The following MBP variants were observed in gnomAD, a reference collection of about 807,000 sequenced individuals.
The protein encoded by MBP is myelin basic protein.
MBP carries 16 observed loss-of-function variants against 35.8 expected under a neutral mutation model. The observed-to-expected ratio is 0.45, with a 90% CI of 0.30 to 0.68. MBP has a LOEUF of 0.68. Among genes scored for constraint, MBP ranks in the 30% least tolerant of loss-of-function variants. The pLI is 0.08. For missense variants in MBP, 380 were observed against 404.7 expected, an observed-to-expected ratio of 0.94 and a Z score of 0.52; for synonymous variants, 143 against 159.6, an observed-to-expected ratio of 0.90 and a Z score of 0.78.
intron 3 of MBP, among the ~76,000 whole-genome samples, chr18:77,033,400 C>T (rs1972612491): frequency 6.6e-6 from 1 of 152,160 alleles, no homozygotes; most frequent in African/African-American, 2.4e-5. Flanking sequence ...ATGCATTGCT[C>T]TGATGAGCGC....
At chr18:76,998,458 C>T (rs1348885178) in intron 4 of MBP, among the ~76,000 whole-genome samples, 1 of 152,206 alleles carries the variant, frequency 6.6e-6, no homozygotes, top group African/African-American at 2.4e-5. Flanking sequence ...GGCTCTAGTT[C>T]TCAGTCACCT....
intron 3 of MBP, among the ~76,000 whole-genome samples, chr18:77,058,707 T>G (rs1973843092): frequency 6.6e-6 from 1 of 152,220 alleles, no homozygotes; most frequent in Non-Finnish European, 1.5e-5. Context: ...GCTCCAGGCC[T>G]GTGGGGTCAA....
At position 76,989,651 on chromosome 18, in the gene MBP, ACT is replaced by A; in HGVS notation, c.681+303_681+304del. The stretch of plus-strand genomic sequence containing the variant: ...CCTCCGCTCCCAGCCCATGGCAAGC[ACT>A]CTCCATAGGTTGCAAAGCCTGTGTT... On this transcript the variant is annotated intron_variant, in intron 5 of 8. Transcript: ENST00000355994. This position sits in a 1 kb window ranked among gnomAD's most constrained non-coding sequence, Gnocchi z 4.0. The A allele has an allele frequency of 3.0e-6, 1 of 336,118 alleles. No homozygotes were observed. 20.8% of individuals were successfully genotyped at this position (336,118 alleles called of 1,614,324 possible).
intron 7 of MBP, chr18:76,985,205 T>C: frequency 7.0e-7 from 1 of 1,425,840 alleles, no homozygotes; most frequent in Non-Finnish European, 9.3e-7. Context: ...GTTGCTTACC[T>C]TCACGCTGTG....
rs555162374 is a variant in MBP, at chr18:77,076,377, G to T, written c.52-9992C>A. On this transcript the variant is annotated intron_variant, in intron 2 of 8. Transcript: ENST00000355994. Reference sequence around the variant, plus strand: ...GGAGTCCACCTGGGGAGGCTCTGAGGCCACATGGAGAGGGGAGCCCAGTAG... The same window carrying T: ...GGAGTCCACCTGGGGAGGCTCTGAGTCCACATGGAGAGGGGAGCCCAGTAG... Among the ~76,000 whole-genome samples the T allele has an allele frequency of 2.6e-5, 4 of 152,346 alleles. No homozygotes were observed. The South Asian group carries it at 8.3e-4, about 32-fold the overall frequency.
chr18:77,104,175 G>A (rs963322851), intron 2 of MBP, among the ~76,000 whole-genome samples: 2 of 152,216 alleles, frequency 1.3e-5, no homozygotes, highest in Admixed American at 6.5e-5. Context: ...AGGGGCAGAA[G>A]GGTGATGATC....
intron 3 of MBP, among the ~76,000 whole-genome samples, chr18:77,059,901 C>T (rs750175845): frequency 1.4e-4 from 21 of 152,314 alleles, no homozygotes; most frequent in East Asian, 5.8e-4. Flanking sequence ...GGGAGACAGG[C>T]GGGCTTCTTG....
chr18:77,067,842 G>C (rs746710303), intron 2 of MBP: 1 of 513,258 alleles, frequency 1.9e-6, no homozygotes, highest in Non-Finnish European at 3.9e-6. Context: ...GGAGAGAGGG[G>C]CAGGCACAGC....
chr18:77,044,507 G>C lies in MBP; in HGVS notation c.139+21791C>G, dbSNP rs1375147073. 6.6e-6 allele frequency among the ~76,000 whole-genome samples: 1 copy of C among 151,976 alleles called. No individual in the cohort carries two copies. The highest frequency in any genetic ancestry group is 6.5e-5 in the Admixed American group (1 of 15,270). On this transcript the variant is annotated intron_variant, in intron 3 of 8. Transcript: ENST00000355994. This position sits in a 1 kb window ranked among gnomAD's most constrained non-coding sequence, Gnocchi z 4.4. ...CCACTCTCCCTGTACAGGCCTTCCT[G>C]ACCCCTCGTCCCTGGAAAGCCCTCT... is the stretch of plus-strand genomic sequence containing the variant.
Position 77,034,232 on chromosome 18 carries a change from G to C in MBP, c.140-16964C>G, listed in dbSNP as rs550867137. 9.9e-5 allele frequency among the ~76,000 whole-genome samples: 15 copies of C among 152,186 alleles called. No individual in the cohort carries two copies. In the East Asian group the frequency reaches 2.9e-3, roughly 29 times the overall value. ...AGGGGACCATGTGCATGTCCAGAGA[G>C]TGGCCCCTGGGACCTGAGAGTGACT... On this transcript the variant is annotated intron_variant, in intron 3 of 8. Coordinates refer to ENST00000355994, the MANE Select transcript of MBP (RefSeq NM_001025101.2).
At chr18:77,042,781 G>T (rs1973071852) in intron 3 of MBP, among the ~76,000 whole-genome samples, 1 of 152,222 alleles carries the variant, frequency 6.6e-6, no homozygotes, top group South Asian at 2.1e-4. Flanking sequence ...AAGCGCCTGC[G>T]CAGTGCCTGC....
intron 3 of MBP, 93 bp downstream of exon 3, chr18:77,066,205 A>G: frequency 2.3e-6 from 2 of 862,706 alleles, no homozygotes; most frequent in Non-Finnish European, 2.0e-6. Context: ...TGGATCACCC[A>G]TGCAATAAAA....
At chr18:77,079,838 A>G (rs1225893520) in intron 2 of MBP, among the ~76,000 whole-genome samples, 3 of 152,186 alleles carry the variant, frequency 2.0e-5, no homozygotes, top group African/African-American at 7.2e-5. Context: ...AATTTAGTTT[A>G]AATTCATATG....
At chr18:77,084,900 C>G (rs1008272675) in intron 2 of MBP, among the ~76,000 whole-genome samples, 2 of 151,880 alleles carry the variant, frequency 1.3e-5, no homozygotes, top group Admixed American at 6.5e-5. Flanking sequence ...TGGAAGCCAC[C>G]GCTCCATCAG....
At chr18:77,092,841 A>G (rs988766407) in intron 2 of MBP, among the ~76,000 whole-genome samples, 5 of 152,182 alleles carry the variant, frequency 3.3e-5, no homozygotes, top group East Asian at 3.8e-4. Flanking sequence ...CCCCCGTTAC[A>G]GTCTGTGACG....
At chr18:77,012,349 A>T (rs1047026783) in intron 4 of MBP, among the ~76,000 whole-genome samples, 2 of 152,216 alleles carry the variant, frequency 1.3e-5, no homozygotes, top group African/African-American at 4.8e-5. Flanking sequence ...GGCTGTGTCC[A>T]TGACAGCACC....
chr18:77,018,460 AT>A (rs1971784729), intron 3 of MBP, among the ~76,000 whole-genome samples: 1 of 109,996 alleles, frequency 9.1e-6, no homozygotes, highest in Non-Finnish European at 1.8e-5. Flanking sequence ...CAATTCATCC[AT>A]TCGTCATCCA....
Position 77,081,977 on chromosome 18 carries a change from A to G in MBP, c.52-15592T>C, listed in dbSNP as rs543975264. 2.8e-4 allele frequency among the ~76,000 whole-genome samples: 43 copies of G among 151,702 alleles called. No homozygotes were observed. In the East Asian group the frequency reaches 5.1e-3, roughly 18 times the overall value. ...CGCCATTCTCCTGCCTCAGCCTCCCAAGTAGCTGGGACTACAGGTGCCCGC... is the reference window on the plus strand; with the variant it reads ...CGCCATTCTCCTGCCTCAGCCTCCCGAGTAGCTGGGACTACAGGTGCCCGC... On this transcript the variant is annotated intron_variant, in intron 2 of 8. Coordinates refer to ENST00000355994, the MANE Select transcript of MBP (RefSeq NM_001025101.2).
At chr18:76,985,263 A>T (rs1423040856) in intron 7 of MBP, 2 of 1,334,860 alleles carry the variant, frequency 1.5e-6, no homozygotes, top group Admixed American at 2.1e-5. Context: ...CAAGGTAAGG[A>T]GGCTCCTGCC....
Sources: gnomAD v4.1 joint callset for allele counts (sites outside exome capture counted in the v4.1 genomes callset) on GRCh38, gnomAD v4.1.1 for gene constraint, Gnocchi (gnomAD v3.1) non-coding constraint, MANE v1.5 for transcripts, NCBI Gene and HGNC (gene_info 2026-07-23, HGNC 2026-07-21) for gene names.